E2F5: variants seen among roughly 807,000 people sequenced by gnomAD.
E2F5 encodes the protein transcription factor E2F5.
A neutral mutation model predicts 39.1 loss-of-function variants in E2F5; 23 were observed. The observed-to-expected ratio is 0.59, with a 90% CI of 0.42 to 0.83. The LOEUF (loss-of-function observed/expected upper bound fraction) is 0.83. Among genes scored for constraint, E2F5 ranks in the 40% least tolerant of loss-of-function variants. The probability of loss-of-function intolerance (pLI) is 0.00; values close to 1 mark genes in which losing one functional copy is unlikely to be tolerated. For missense variants in E2F5, 365 were observed against 406.7 expected, an observed-to-expected ratio of 0.90 and a Z score of 0.88; for synonymous variants, 145 against 157.8, an observed-to-expected ratio of 0.92 and a Z score of 0.61.
At chr8:85,198,765 G>T (rs1332477440) in intron 1 of E2F5, among the ~76,000 whole-genome samples, 5 of 152,114 alleles carry the variant, frequency 3.3e-5, no homozygotes, top group Non-Finnish European at 7.4e-5. Flanking sequence ...CAAACTAGTG[G>T]ATTCCATCTT....
chr8:85,183,450 CCT>C (rs1053304907), intron 1 of E2F5, among the ~76,000 whole-genome samples: 4 of 152,082 alleles, frequency 2.6e-5, no homozygotes, highest in African/African-American at 9.7e-5. Context: ...TATGTATACC[CCT>C]GTGTTCATAA....
intron 1 of E2F5, among the ~76,000 whole-genome samples, chr8:85,193,236 G>C (rs1812505504): frequency 6.6e-6 from 1 of 152,044 alleles, no homozygotes; most frequent in South Asian, 2.1e-4. Context: ...TGTACTCCCA[G>C]CACTTTGGGA....
At position 85,214,118 on chromosome 8, in the gene E2F5, C is replaced by G. The variant is rs1563985995; in HGVS notation, c.*256C>G. On this transcript the variant is annotated 3_prime_UTR_variant, in exon 8 of 8. Coordinates refer to ENST00000416274, the MANE Select transcript of E2F5 (RefSeq NM_001951.4). ...AAAGTAACTATATTCTGGATTTCAACTTTTCTTCTAATTGTGAATCCTTCT... is the reference window on the plus strand; with the variant it reads ...AAAGTAACTATATTCTGGATTTCAAGTTTTCTTCTAATTGTGAATCCTTCT... 1.8e-6 allele frequency: 1 copy of G among 563,850 alleles called. No individual in the cohort carries two copies. Among genetic ancestry groups the G allele is most frequent in the Non-Finnish European group, 3.3e-6 (1 of 301,546 alleles). 34.9% of individuals were successfully genotyped at this position (563,850 alleles called of 1,614,324 possible).
rs1812208799 is a variant in E2F5, at chr8:85,181,375, A to G, written c.234+3721A>G. Among the ~76,000 whole-genome samples the G allele has an allele frequency of 2.0e-5, 3 of 151,264 alleles. 1 individual carries two copies. In the South Asian group the frequency reaches 6.3e-4, roughly 32 times the overall value. On this transcript the variant is annotated intron_variant, in intron 1 of 7. Transcript: ENST00000416274. The stretch of plus-strand genomic sequence containing the variant: ...GACGGGAGTCTCACTCTGTCACCCA[A>G]GCTGGAGTGCAGTGTCGCGATCTCC...
Position 85,214,138 on chromosome 8 carries a change from CCTT to C in E2F5, c.*279_*281del. 1 of 548,594 alleles carries C rather than the reference CCTT, an allele frequency of 1.8e-6. No homozygotes were observed. 34.0% of individuals were successfully genotyped at this position (548,594 alleles called of 1,614,324 possible). On this transcript the variant is annotated 3_prime_UTR_variant, in exon 8 of 8. Transcript: ENST00000416274. ...TTCAACTTTTCTTCTAATTGTGAAT[CCTT>C]CTGTTTTTTCTTCTTAAGGAGGAAA... is the stretch of plus-strand genomic sequence containing the variant.
intron 5 of E2F5, among the ~76,000 whole-genome samples, chr8:85,208,414 T>C (rs1812842932): frequency 6.6e-6 from 1 of 152,184 alleles, no homozygotes; most frequent in Non-Finnish European, 1.5e-5. Context: ...AACAATCAAT[T>C]CCTTTAAATT....
intron 3 of E2F5, among the ~76,000 whole-genome samples, chr8:85,204,614 G>A (rs559848419): frequency 6.6e-6 from 1 of 151,916 alleles, no homozygotes; most frequent in Admixed American, 6.6e-5. Flanking sequence ...ATTGGGTGCA[G>A]CACGCCAACA....
rs778592679 is a variant in E2F5 at position 85,203,149 on chromosome 8, A to T, written c.400A>T (p.Lys134Ter). The change falls in exon 3 of 8, where the codon AAA becomes TAA. Residue 134 changes from lysine to a stop codon, truncating the protein, a stop_gained. Coordinates refer to ENST00000416274, the MANE Select transcript of E2F5 (RefSeq NM_001951.4). LOFTEE classifies it high-confidence loss of function. ...AGTCATAGATAGATTAAGATATCTTAAAGCTGAAATTGAAGATCTAGAACT... is the reference window on the plus strand; with the variant it reads ...AGTCATAGATAGATTAAGATATCTTTAAGCTGAAATTGAAGATCTAGAACT... ...KEVIDRLRYL[K>*]AEIEDLELKE... 6.2e-7 allele frequency: 1 copy of T among 1,602,666 alleles called. No homozygotes were observed. The highest frequency in any genetic ancestry group is 8.5e-7 in the Non-Finnish European group (1 of 1,174,216).
In E2F5 at chr8:85,206,172, A is replaced by C. The variant is rs377741249; in HGVS notation, c.507-5A>C. On this transcript the variant is annotated splice_polypyrimidine_tract_variant and splice_region_variant and intron_variant, in intron 3 of 7. Coordinates refer to ENST00000416274, the MANE Select transcript of E2F5 (RefSeq NM_001951.4). ...AATGTCGTTCCTTAACTCCTATGAC[A>C]GTACATTTTCCTATGTAACTCATGA... 4 of 1,612,906 alleles carry C rather than the reference A, an allele frequency of 2.5e-6. No individual in the cohort carries two copies. The highest frequency in any genetic ancestry group is 1.3e-5 in the African/African-American group (1 of 74,912).
At chr8:85,206,932 T>C (rs2129741785) in intron 4 of E2F5, among the ~76,000 whole-genome samples, 1 of 152,338 alleles carries the variant, frequency 6.6e-6, no homozygotes, top group South Asian at 2.1e-4. Flanking sequence ...TGTTCTATTT[T>C]ACCACTGTAT....
chr8:85,212,080 CTG>C, intron 6 of E2F5, 75 bp from the exon 7 acceptor site: 5 of 1,117,184 alleles, frequency 4.5e-6, no homozygotes, highest in Non-Finnish European at 5.4e-6. Context: ...CAAGCTGCTG[CTG>C]TGACTACTTG....
chr8:85,202,798 G>A (rs1247203417), intron 2 of E2F5, among the ~76,000 whole-genome samples: 2 of 152,024 alleles, frequency 1.3e-5, no homozygotes, highest in African/African-American at 4.8e-5. Context: ...TGCTAGGTGT[G>A]ACTGCTGAGC....
At chr8:85,187,254 T>A in intron 1 of E2F5, among the ~76,000 whole-genome samples, 1 of 152,164 alleles carries the variant, frequency 6.6e-6, no homozygotes, top group East Asian at 1.9e-4. Flanking sequence ...GAATGTTCTG[T>A]GTGCAGTTGA....
At chr8:85,178,548 T>G (rs1812135829) in intron 1 of E2F5, among the ~76,000 whole-genome samples, 1 of 152,152 alleles carries the variant, frequency 6.6e-6, no homozygotes. Flanking sequence ...CGCGCGAAGT[T>G]TAAGAACTAA....
At chr8:85,206,451 T>G (rs971400159) in intron 4 of E2F5, among the ~76,000 whole-genome samples, 9 of 152,140 alleles carry the variant, frequency 5.9e-5, no homozygotes, top group African/African-American at 2.2e-4. Flanking sequence ...CAACTGTGTG[T>G]GGAAGGGGAA....
At chr8:85,185,949 G>A (rs1812324499) in intron 1 of E2F5, among the ~76,000 whole-genome samples, 1 of 152,158 alleles carries the variant, frequency 6.6e-6, no homozygotes, top group Non-Finnish European at 1.5e-5. Context: ...AAGACAGTGT[G>A]GTGATTCCTC....
At chr8:85,195,173 A>G (rs1248974273) in intron 1 of E2F5, among the ~76,000 whole-genome samples, 1 of 151,984 alleles carries the variant, frequency 6.6e-6, no homozygotes, top group Non-Finnish European at 1.5e-5. Context: ...TCATGAGGTC[A>G]GGAGTTCGAG....
intron 3 of E2F5, among the ~76,000 whole-genome samples, chr8:85,204,207 G>A (rs1054331105): frequency 1.8e-4 from 28 of 151,932 alleles, no homozygotes; most frequent in Non-Finnish European, 2.8e-4. Flanking sequence ...CTTGGACTTC[G>A]CTGCCCTGCT....
intron 6 of E2F5, among the ~76,000 whole-genome samples, chr8:85,209,817 C>T (rs1286355776): frequency 1.3e-5 from 2 of 152,126 alleles, no homozygotes; most frequent in Non-Finnish European, 2.9e-5. Context: ...GAAATATGTT[C>T]CAACTACCTT....
Sources: allele counts gnomAD v4.1 joint callset (sites outside exome capture counted in the v4.1 genomes callset), GRCh38; gene constraint gnomAD v4.1.1; transcripts MANE v1.5; gene names NCBI Gene and HGNC (gene_info 2026-07-23, HGNC 2026-07-21).